The following CGRRF1 variants were observed in gnomAD, a reference collection of about 807,000 sequenced individuals.
The protein encoded by CGRRF1 is cell growth regulator with RING finger domain protein 1.
Under a neutral mutation model 37.2 loss-of-function variants are expected in CGRRF1, and 32 were observed. That is an observed-to-expected ratio of 0.86 (90% CI 0.65 to 1.16). The LOEUF is 1.16. Ranked by LOEUF, CGRRF1 falls within the 50% of genes most tolerant of loss-of-function variation. CGRRF1 has a pLI of 0.00. For missense variants in CGRRF1, 391 were observed against 382.6 expected, an observed-to-expected ratio of 1.02 and a Z score of -0.18; for synonymous variants, 141 against 140.3, an observed-to-expected ratio of 1.00 and a Z score of -0.04.
rs767898688 is a variant in CGRRF1, at chr14:54,538,139, G to T, written c.755G>T (p.Ser252Ile). 1.2e-6 allele frequency: 2 copies of T among 1,613,974 alleles called. No homozygotes were observed. Among genetic ancestry groups the T allele is most frequent in the Admixed American group, 3.3e-5 (2 of 60,000 alleles). ...TCAGAAGAAAAAAACACAGACAGAAGTTTGTTGGAAAAGGTGGGACTCTCT... is the reference window on the plus strand; with the variant it reads ...TCAGAAGAAAAAAACACAGACAGAATTTTGTTGGAAAAGGTGGGACTCTCT... ...SSSEEKNTDR[S>I]LLEKVGLSES... Residue 252 changes from serine (S) to isoleucine (I), a missense_variant, in exon 6 of 6, where the codon AGT becomes ATT. By Grantham distance (142) the Ser-to-Ile change is moderately radical (BLOSUM62 -2). Coordinates refer to ENST00000216420, the MANE Select transcript of CGRRF1 (RefSeq NM_006568.3).
At chr14:54,532,229 A>G (rs1009666210) in intron 4 of CGRRF1, among the ~76,000 whole-genome samples, 1 of 152,178 alleles carries the variant, frequency 6.6e-6, no homozygotes, top group Non-Finnish European at 1.5e-5. Context: ...TGGGAAATCT[A>G]GACCCTTCTT....
intron 4 of CGRRF1, 39 bp downstream of exon 4, chr14:54,531,089 G>T: frequency 7.0e-7 from 1 of 1,420,286 alleles, no homozygotes; most frequent in South Asian, 1.2e-5. Context: ...ACCTTTAAGT[G>T]ATTTGAATGG....
At chr14:54,526,993 C>A (rs1454038943) in intron 2 of CGRRF1, among the ~76,000 whole-genome samples, 1 of 151,960 alleles carries the variant, frequency 6.6e-6, no homozygotes, top group Non-Finnish European at 1.5e-5. Flanking sequence ...ATTTTTTTCA[C>A]TTTTTTGCAA....
chr14:54,510,468 A>G (rs539177138), intron 1 of CGRRF1, among the ~76,000 whole-genome samples: 9 of 152,304 alleles, frequency 5.9e-5, no homozygotes, highest in Admixed American at 6.5e-5. Flanking sequence ...CAGTGCACAG[A>G]CTGGACAGTA....
At chr14:54,534,307 T>G (rs1395466498) in intron 4 of CGRRF1, among the ~76,000 whole-genome samples, 1 of 152,060 alleles carries the variant, frequency 6.6e-6, no homozygotes, top group East Asian at 1.9e-4. Context: ...GTATTTTTAG[T>G]AGAGATGGTG....
At chr14:54,515,838 A>G (rs1272053252) in intron 1 of CGRRF1, among the ~76,000 whole-genome samples, 1 of 152,124 alleles carries the variant, frequency 6.6e-6, no homozygotes, top group Non-Finnish European at 1.5e-5. Flanking sequence ...TATGCACCAT[A>G]TAGCTAGGTC....
intron 1 of CGRRF1, among the ~76,000 whole-genome samples, chr14:54,515,493 T>C (rs747770243): frequency 2.0e-5 from 3 of 152,184 alleles, no homozygotes; most frequent in Non-Finnish European, 2.9e-5. Context: ...AGCTATCAGT[T>C]ATTGAAGTTG....
chr14:54,529,888 G>A (rs1250225683), intron 2 of CGRRF1, among the ~76,000 whole-genome samples, 161 bp from the exon 3 acceptor site: 1 of 152,132 alleles, frequency 6.6e-6, no homozygotes, highest in Non-Finnish European at 1.5e-5. Flanking sequence ...TTGTTACAGA[G>A]GCCAGTTCCT....
chr14:54,537,692 G>A, intron 4 of CGRRF1, 30 bp from the exon 5 acceptor site: 3 of 1,493,444 alleles, frequency 2.0e-6, no homozygotes, highest in Non-Finnish European at 1.8e-6. Context: ...AAGATTTTAA[G>A]TACTGACCAG....
rs558923524 is a variant in CGRRF1 at position 54,525,823 on chromosome 14, G to A, written c.244+3230G>A. On this transcript the variant is annotated intron_variant, in intron 2 of 5. Coordinates refer to ENST00000216420, the MANE Select transcript of CGRRF1 (RefSeq NM_006568.3). ...CTTGAAAATAAACCAGAGGCTGCAC[G>A]TGGTGGCTCATGCTTGTAATCCCAG... 7.9e-5 allele frequency among the ~76,000 whole-genome samples: 12 copies of A among 152,264 alleles called. No homozygotes were observed. The East Asian group carries it at 2.3e-3, about 29-fold the overall frequency.
intron 1 of CGRRF1, among the ~76,000 whole-genome samples, chr14:54,520,705 A>C (rs1187784368): frequency 6.6e-6 from 1 of 152,176 alleles, no homozygotes; most frequent in Non-Finnish European, 1.5e-5. Context: ...GATGTTTCTG[A>C]AATTTATCCA....
chr14:54,528,206 C>CTTTTT (rs758797153), intron 2 of CGRRF1, among the ~76,000 whole-genome samples: 9 of 96,270 alleles, frequency 9.3e-5, no homozygotes, highest in Admixed American at 4.2e-4. Context: ...TACCTCAATT[C>CTTTTT]TTTTTTTTTT....
intron 2 of CGRRF1, among the ~76,000 whole-genome samples, chr14:54,522,900 A>G (rs535088839): frequency 3.2e-4 from 49 of 152,352 alleles, no homozygotes; most frequent in African/African-American, 1.0e-3. Flanking sequence ...GGTCTGTAGT[A>G]AAGTGAGAAA....
Position 54,530,972 on chromosome 14 carries a change from T to A in CGRRF1, c.492T>A (p.Gly164=). The change falls in exon 4 of 6, where the codon GGT becomes GGA. Residue 164 remains glycine (G), a synonymous_variant. Coordinates refer to ENST00000216420, the MANE Select transcript of CGRRF1 (RefSeq NM_006568.3). ...GAGATACTAAAATTGAAGACTTTGG[T>A]ACAGTACCCAGATCTCGCTATCCAT... ...LPRDTKIEDF[G]TVPRSRYPLV... is the part of the protein sequence containing the mutation. The A allele has an allele frequency of 6.2e-7, 1 of 1,609,912 alleles. No homozygotes were observed. The highest frequency in any genetic ancestry group is 8.5e-7 in the Non-Finnish European group (1 of 1,176,300).
At chr14:54,537,904 G>A (rs2140069019) in intron 5 of CGRRF1, 75 bp downstream of exon 5, 1 of 1,531,266 alleles carries the variant, frequency 6.5e-7, no homozygotes, top group African/African-American at 1.4e-5. Context: ...TTATGGAAAG[G>A]TGATTATATT....
At chr14:54,522,285 A>G (rs371156963) in intron 1 of CGRRF1, among the ~76,000 whole-genome samples, 169 bp from the exon 2 acceptor site, 1 of 152,196 alleles carries the variant, frequency 6.6e-6, no homozygotes, top group African/African-American at 2.4e-5. Flanking sequence ...CAGAGGGCCA[A>G]CTGTTTTGCA....
chr14:54,523,666 C>A (rs2032360143), intron 2 of CGRRF1, among the ~76,000 whole-genome samples: 1 of 151,850 alleles, frequency 6.6e-6, no homozygotes, highest in South Asian at 2.1e-4. Flanking sequence ...ACAGAGGAGT[C>A]TAAGAAGACT....
At chr14:54,515,591 T>A (rs1246212317) in intron 1 of CGRRF1, among the ~76,000 whole-genome samples, 1 of 152,180 alleles carries the variant, frequency 6.6e-6, no homozygotes, top group African/African-American at 2.4e-5. Flanking sequence ...ATTTTGAAGT[T>A]CTATTAATAG....
Position 54,537,677 on chromosome 14 carries a change from A to G in CGRRF1, c.571-45A>G, listed in dbSNP as rs372012447. Reference sequence around the variant, plus strand: ...GCATTTTTCATATATTTGTGAAATAATATAAAGATTTTAAGTACTGACCAG... The same window carrying G: ...GCATTTTTCATATATTTGTGAAATAGTATAAAGATTTTAAGTACTGACCAG... On this transcript the variant is annotated intron_variant, in intron 4 of 5. Transcript: ENST00000216420. The G allele has an allele frequency of 3.5e-6, 5 of 1,423,992 alleles. No individual in the cohort carries two copies. The East Asian group carries it at 1.0e-4, about 30-fold the overall frequency. The allele number at this position is 1,423,992 out of a possible 1,614,324, so 88.2% of individuals were successfully genotyped here.
Sources: allele counts gnomAD v4.1 joint callset (sites outside exome capture counted in the v4.1 genomes callset), GRCh38; gene constraint gnomAD v4.1.1; transcripts MANE v1.5; gene names NCBI Gene and HGNC (gene_info 2026-07-23, HGNC 2026-07-21).